PRKD1: variants seen among roughly 807,000 people sequenced by gnomAD.
PRKD1 encodes the protein protein kinase D1.
Under a neutral mutation model 95.9 loss-of-function variants are expected in PRKD1, and 63 were observed. That is an observed-to-expected ratio of 0.66 (90% CI 0.54 to 0.81). The LOEUF is 0.81. PRKD1 is among the 30% of genes least tolerant of loss of function. The pLI, the probability that PRKD1 is intolerant of heterozygous loss-of-function variation, is 0.00. For synonymous variants in PRKD1, 425 were observed against 423.1 expected, an observed-to-expected ratio of 1.00 and a Z score of -0.05; for missense variants, 1,048 against 1,165.3, an observed-to-expected ratio of 0.90 and a Z score of 1.47.
intron 16 of PRKD1, among the ~76,000 whole-genome samples, chr14:29,585,973 A>G (rs1175035729): frequency 1.3e-5 from 2 of 152,220 alleles, no homozygotes; most frequent in Non-Finnish European, 2.9e-5. Context: ...TTTTACATAC[A>G]TATGAAAAAT....
At chr14:29,577,500 C>T (rs368604351) in intron 17 of PRKD1, 44 bp from the exon 18 acceptor site, 6 of 1,543,936 alleles carry the variant, frequency 3.9e-6, no homozygotes, top group Non-Finnish European at 5.4e-6. Context: ...ATCATTACAA[C>T]TCAACATACT....
intron 2 of PRKD1, among the ~76,000 whole-genome samples, chr14:29,702,912 C>A (rs761578211): frequency 6.6e-6 from 1 of 151,942 alleles, no homozygotes; most frequent in Non-Finnish European, 1.5e-5. Context: ...TTCTTTTTAA[C>A]CTGAAGTTTT....
At chr14:29,862,394 C>T (rs1892741612) in intron 1 of PRKD1, among the ~76,000 whole-genome samples, 1 of 152,130 alleles carries the variant, frequency 6.6e-6, no homozygotes, top group Admixed American at 6.5e-5. Context: ...TTTCTGTACC[C>T]TCAGCAGTGG....
At position 29,720,587 on chromosome 14, in the gene PRKD1, C is replaced by G. The variant is rs951628444; in HGVS notation, c.403+4949G>C. 2.6e-5 allele frequency among the ~76,000 whole-genome samples: 4 copies of G among 152,082 alleles called. No homozygotes were observed. The East Asian group carries it at 5.8e-4, about 22-fold the overall frequency. ...ACAAGATCAGGAGCTCAAGACCAGC[C>G]TGGCCAATACAGTGAAACCCTGTCT... On this transcript the variant is annotated intron_variant, in intron 2 of 17. Coordinates refer to ENST00000331968, the MANE Select transcript of PRKD1 (RefSeq NM_002742.3).
chr14:29,882,025 T>C (rs111232910), intron 1 of PRKD1, among the ~76,000 whole-genome samples: 10 of 152,338 alleles, frequency 6.6e-5, no homozygotes, highest in Non-Finnish European at 1.3e-4. Context: ...ATGCAATTGA[T>C]TTCAGACTCC....
chr14:29,894,945 A>G (rs149514887), intron 1 of PRKD1, among the ~76,000 whole-genome samples: 1 of 152,378 alleles, frequency 6.6e-6, no homozygotes, highest in Non-Finnish European at 1.5e-5. Context: ...CAAAACATGT[A>G]CGTTTAAATA....
chr14:29,864,800 G>A (rs1037505827), intron 1 of PRKD1, among the ~76,000 whole-genome samples: 1 of 152,128 alleles, frequency 6.6e-6, no homozygotes, highest in African/African-American at 2.4e-5. Flanking sequence ...ATGGAAAAGA[G>A]TTAACAGCCC....
intron 1 of PRKD1, among the ~76,000 whole-genome samples, chr14:29,897,041 C>T (rs1292270366): frequency 6.6e-6 from 1 of 151,830 alleles, no homozygotes; most frequent in East Asian, 1.9e-4. Context: ...TATGATCCTA[C>T]TAGCCAGATA....
At chr14:29,781,814 A>C (rs1432772332) in intron 1 of PRKD1, among the ~76,000 whole-genome samples, 1 of 152,232 alleles carries the variant, frequency 6.6e-6, no homozygotes, top group East Asian at 1.9e-4. Context: ...GACAAGAGAA[A>C]AAAGAGCAGT....
At chr14:29,622,262 T>G (rs1879314765) in intron 13 of PRKD1, among the ~76,000 whole-genome samples, 1 of 152,056 alleles carries the variant, frequency 6.6e-6, no homozygotes, top group South Asian at 2.1e-4. Flanking sequence ...TTCGGCCCAG[T>G]TCCTAACAGG....
intron 3 of PRKD1, among the ~76,000 whole-genome samples, chr14:29,665,724 T>TA: frequency 6.6e-6 from 1 of 152,150 alleles, no homozygotes; most frequent in Non-Finnish European, 1.5e-5. Context: ...CCAATGTATA[T>TA]ACATGTTTGT....
At chr14:29,681,876 T>C (rs1334900754) in intron 2 of PRKD1, among the ~76,000 whole-genome samples, 1 of 152,214 alleles carries the variant, frequency 6.6e-6, no homozygotes, top group Non-Finnish European at 1.5e-5. Flanking sequence ...TACTTAATGG[T>C]AAAATGCTTT....
At chr14:29,582,595 G>A (rs1892788964) in intron 16 of PRKD1, among the ~76,000 whole-genome samples, 1 of 152,044 alleles carries the variant, frequency 6.6e-6, no homozygotes, top group Non-Finnish European at 1.5e-5. Flanking sequence ...ATTTCCCATA[G>A]GTGCCAGCTC....
chr14:29,892,882 T>C (rs1311929556), intron 1 of PRKD1, among the ~76,000 whole-genome samples: 2 of 152,206 alleles, frequency 1.3e-5, no homozygotes, highest in Non-Finnish European at 2.9e-5. Context: ...AACACATCTA[T>C]TTCTAAAATG....
intron 1 of PRKD1, among the ~76,000 whole-genome samples, chr14:29,832,465 C>A (rs1252100391): frequency 6.6e-6 from 1 of 152,032 alleles, no homozygotes. Context: ...TTCCTTCAGA[C>A]AAAAATTGGC....
chr14:29,692,550 C>A (rs1366424745), intron 2 of PRKD1, among the ~76,000 whole-genome samples: 2 of 151,908 alleles, frequency 1.3e-5, no homozygotes, highest in East Asian at 3.9e-4. Context: ...TTGGTGGCCA[C>A]CAGAAAGAGG....
intron 2 of PRKD1, among the ~76,000 whole-genome samples, chr14:29,706,082 T>A (rs1036113227): frequency 2.0e-5 from 3 of 152,140 alleles, no homozygotes; most frequent in African/African-American, 7.2e-5. Context: ...AGGGTTCCAA[T>A]CTTTCCACAT....
chr14:29,921,104 T>C (rs976324585), intron 1 of PRKD1, among the ~76,000 whole-genome samples: 6 of 152,232 alleles, frequency 3.9e-5, no homozygotes, highest in African/African-American at 1.4e-4. Context: ...TGAAATACCA[T>C]TGACATTGCA....
At chr14:29,838,131 T>C (rs1891682773) in intron 1 of PRKD1, among the ~76,000 whole-genome samples, 1 of 152,138 alleles carries the variant, frequency 6.6e-6, no homozygotes, top group Non-Finnish European at 1.5e-5. Context: ...GATTCTGAAG[T>C]TTTCCTGATT....
Sources: allele counts gnomAD v4.1 joint callset (sites outside exome capture counted in the v4.1 genomes callset), GRCh38; gene constraint gnomAD v4.1.1; transcripts MANE v1.5; gene names NCBI Gene and HGNC (gene_info 2026-07-23, HGNC 2026-07-21).